Variants in WASF1 observed in about 807,000 individuals in gnomAD.
WASF1 encodes the protein WASP family member 1.
WASF1 carries 7 observed loss-of-function variants against 50.5 expected under a neutral mutation model. The ratio of observed to expected loss-of-function variants is 0.14; its 90% CI spans 0.08 to 0.26. The LOEUF is 0.26. WASF1 is among the 10% of genes least tolerant of loss of function. The probability of loss-of-function intolerance (pLI) is 1.00; values close to 1 mark genes in which losing one functional copy is unlikely to be tolerated. For synonymous variants in WASF1, 205 were observed against 244.0 expected, an observed-to-expected ratio of 0.84 and a Z score of 1.49; for missense variants, 470 against 694.7, an observed-to-expected ratio of 0.68 and a Z score of 3.64.
At chr6:110,128,883 C>G (rs1047358336) in intron 3 of WASF1, among the ~76,000 whole-genome samples, 1 of 152,166 alleles carries the variant, frequency 6.6e-6, no homozygotes, top group African/African-American at 2.4e-5. Context: ...CTATTGTGAA[C>G]TGCACACGTG....
rs563640434 is a variant in WASF1, at chr6:110,106,404, G to A, written c.540+673C>T. Among the ~76,000 whole-genome samples, 7 of 152,354 alleles carry A rather than the reference G, an allele frequency of 4.6e-5. No homozygotes were observed. The East Asian group carries it at 1.2e-3, about 25-fold the overall frequency. On this transcript the variant is annotated intron_variant, in intron 7 of 10. Coordinates refer to ENST00000392589, the MANE Select transcript of WASF1 (RefSeq NM_003931.3). ...AGACAATACAATGGCATTATACAGG[G>A]ATTAGGGAAAGCAGAGATAGCTACA...
At chr6:110,140,371 T>C (rs775505872) in intron 3 of WASF1, among the ~76,000 whole-genome samples, 15 of 152,176 alleles carry the variant, frequency 9.9e-5, no homozygotes, top group Non-Finnish European at 2.2e-4. Context: ...TAATAATAAA[T>C]TGGTAAGTAT....
intron 3 of WASF1, among the ~76,000 whole-genome samples, chr6:110,130,572 A>T (rs1036837807): frequency 2.0e-5 from 3 of 152,238 alleles, no homozygotes; most frequent in Non-Finnish European, 4.4e-5. Context: ...TCATTGCTGT[A>T]TAATAGTCCA....
At chr6:110,108,856 T>C (rs1773437929) in intron 5 of WASF1, among the ~76,000 whole-genome samples, 175 bp from the exon 6 acceptor site, 1 of 152,186 alleles carries the variant, frequency 6.6e-6, no homozygotes, top group African/African-American at 2.4e-5. Flanking sequence ...TTTACCCATA[T>C]CATTCTGCGC....
chr6:110,103,842 G>A (rs935538672), intron 8 of WASF1, among the ~76,000 whole-genome samples: 5 of 152,172 alleles, frequency 3.3e-5, no homozygotes, highest in African/African-American at 4.8e-5. Flanking sequence ...AAAGCATTAC[G>A]TACGTAATTT....
chr6:110,167,071 G>GTAGCCATCATGCAGTGT (rs1468366751), intron 2 of WASF1, among the ~76,000 whole-genome samples: 5 of 151,800 alleles, frequency 3.3e-5, no homozygotes, highest in African/African-American at 1.2e-4. Context: ...TAGTAACACT[G>GTAGCCATCATGCAGTGT]TAGCCATCAT....
At chr6:110,170,776 T>C (rs996704000) in intron 2 of WASF1, among the ~76,000 whole-genome samples, 1 of 150,976 alleles carries the variant, frequency 6.6e-6, no homozygotes, top group African/African-American at 2.4e-5. Flanking sequence ...CTAACACGAG[T>C]CAAAACAAAT....
chr6:110,153,834 G>A (rs1775933303), intron 3 of WASF1, among the ~76,000 whole-genome samples: 1 of 151,614 alleles, frequency 6.6e-6, no homozygotes, highest in African/African-American at 2.4e-5. Context: ...GGATTTGTGT[G>A]TGTCTGGTAA....
intron 2 of WASF1, among the ~76,000 whole-genome samples, chr6:110,164,051 T>C (rs943362025): frequency 6.6e-6 from 1 of 151,568 alleles, no homozygotes; most frequent in African/African-American, 2.4e-5. Flanking sequence ...TTCACAAAAA[T>C]GAACTCAGAA....
At chr6:110,170,360 C>T (rs1329438119) in intron 2 of WASF1, among the ~76,000 whole-genome samples, 1 of 151,952 alleles carries the variant, frequency 6.6e-6, no homozygotes, top group African/African-American at 2.4e-5. Flanking sequence ...GTAGCTGGGA[C>T]TACAGGTGCA....
At chr6:110,120,918 C>G (rs1228290867) in intron 4 of WASF1, among the ~76,000 whole-genome samples, 1 of 151,944 alleles carries the variant, frequency 6.6e-6, no homozygotes, top group African/African-American at 2.4e-5. Flanking sequence ...ACAAACCTGA[C>G]AAAAACAAGA....
At chr6:110,167,966 G>C (rs184897485) in intron 2 of WASF1, among the ~76,000 whole-genome samples, 2 of 151,892 alleles carry the variant, frequency 1.3e-5, no homozygotes, top group Non-Finnish European at 2.9e-5. Flanking sequence ...AATGAAAAAC[G>C]TAAATCATGA....
chr6:110,126,348 T>A (rs986961809), intron 4 of WASF1, among the ~76,000 whole-genome samples: 1 of 152,178 alleles, frequency 6.6e-6, no homozygotes, highest in Non-Finnish European at 1.5e-5. Context: ...ACAAGGAATA[T>A]ACTTAAAATT....
At position 110,132,963 on chromosome 6, in the gene WASF1, T is replaced by TACACACACACACAC. The variant is rs142466639; in HGVS notation, c.-28-5348_-28-5335dup. ...GTTTGTGTGTGTATTCCATGGTGTATACACACACACACACACACACACACC... is the reference window on the plus strand; with the variant it reads ...GTTTGTGTGTGTATTCCATGGTGTATACACACACACACACACACACACACACACACACACACACC... On this transcript the variant is annotated intron_variant, in intron 3 of 10. Transcript: ENST00000392589. Among the ~76,000 whole-genome samples the TACACACACACACAC allele has an allele frequency of 7.9e-3, 1,029 of 130,108 alleles. 7 individuals are homozygous for TACACACACACACAC. Among genetic ancestry groups the TACACACACACACAC allele is most frequent in the Middle Eastern group, 0.012 (3 of 258 alleles). The allele number at this position is 130,108 out of a possible 152,430, so 85.4% of individuals were successfully genotyped here. A position where few individuals can be genotyped will look rare whatever the true frequency, so the allele number is the denominator to read the frequency against.
intron 5 of WASF1, among the ~76,000 whole-genome samples, chr6:110,111,819 C>T (rs1248949061): frequency 6.6e-6 from 1 of 152,044 alleles, no homozygotes; most frequent in African/African-American, 2.4e-5. Context: ...GGGCTTCTTT[C>T]TGGAGTGATA....
At chr6:110,146,795 AC>A (rs1775584506) in intron 3 of WASF1, among the ~76,000 whole-genome samples, 1 of 152,144 alleles carries the variant, frequency 6.6e-6, no homozygotes, top group Non-Finnish European at 1.5e-5. Flanking sequence ...CTTGTGTAAA[AC>A]CACCTCAGGA....
intron 4 of WASF1, among the ~76,000 whole-genome samples, chr6:110,123,914 G>A (rs1410934102): frequency 6.6e-6 from 1 of 152,110 alleles, no homozygotes; most frequent in Non-Finnish European, 1.5e-5. Flanking sequence ...AAAGCCAGGG[G>A]AAGAGATCCC....
intron 4 of WASF1, among the ~76,000 whole-genome samples, chr6:110,114,988 G>A (rs537256038): frequency 9.2e-5 from 14 of 151,942 alleles, no homozygotes; most frequent in African/African-American, 3.4e-4. Flanking sequence ...GCTACTTGGG[G>A]AGGTGAGGCA....
intron 3 of WASF1, among the ~76,000 whole-genome samples, chr6:110,131,092 T>C (rs1183305340): frequency 6.6e-6 from 1 of 152,212 alleles, no homozygotes; most frequent in Non-Finnish European, 1.5e-5. Context: ...TTATAGGTGA[T>C]GGGAATCTCT....
Sources: gnomAD v4.1 joint callset for allele counts (sites outside exome capture counted in the v4.1 genomes callset) on GRCh38, gnomAD v4.1.1 for gene constraint, MANE v1.5 for transcripts, NCBI Gene and HGNC (gene_info 2026-07-23, HGNC 2026-07-21) for gene names.